The following GUCY1A2 variants were observed in gnomAD, a reference collection of about 807,000 sequenced individuals.
The protein encoded by GUCY1A2 is guanylate cyclase soluble subunit alpha-2.
GUCY1A2 carries 27 observed loss-of-function variants against 63.5 expected under a neutral mutation model. The ratio of observed to expected loss-of-function variants is 0.43; its 90% CI spans 0.31 to 0.59. The LOEUF (loss-of-function observed/expected upper bound fraction) is 0.59, where lower values mean the gene tolerates loss of function less well. Ranked by LOEUF, GUCY1A2 falls within the 20% of genes least tolerant of loss-of-function variation. GUCY1A2 has a pLI of 0.11. For missense variants in GUCY1A2, 768 were observed against 913.3 expected, an observed-to-expected ratio of 0.84 and a Z score of 2.05; for synonymous variants, 364 against 343.5, an observed-to-expected ratio of 1.06 and a Z score of -0.66.
rs1303688409 is a variant in GUCY1A2, at chr11:106,675,085, T to C, written c.*12464A>G. 2 of 213,486 alleles carry C rather than the reference T, an allele frequency of 9.4e-6. No homozygotes were observed. The highest frequency in any genetic ancestry group is 5.9e-5 in the Admixed American group (1 of 17,090). 13.2% of individuals were successfully genotyped at this position (213,486 alleles called of 1,614,324 possible). ...GGTTTTGTAAAATGGCTACTCATGATTGAAGAGTCAGAATTCAGGTAGGTT... is the reference window on the plus strand; with the variant it reads ...GGTTTTGTAAAATGGCTACTCATGACTGAAGAGTCAGAATTCAGGTAGGTT... On this transcript the variant is annotated 3_prime_UTR_variant, in exon 8 of 8. Coordinates refer to ENST00000526355, the MANE Select transcript of GUCY1A2 (RefSeq NM_000855.3).
At chr11:106,983,025 T>A (rs1397199870) in intron 2 of GUCY1A2, among the ~76,000 whole-genome samples, 1 of 152,172 alleles carries the variant, frequency 6.6e-6, no homozygotes, top group Non-Finnish European at 1.5e-5. Context: ...CAGGGCCCAG[T>A]AATACGTGTT....
chr11:106,846,984 A>C (rs183273633), intron 4 of GUCY1A2, among the ~76,000 whole-genome samples: 1 of 151,574 alleles, frequency 6.6e-6, no homozygotes, highest in Admixed American at 6.6e-5. Context: ...GTCCCTAACA[A>C]GAGGATTAGA....
intron 6 of GUCY1A2, among the ~76,000 whole-genome samples, chr11:106,758,054 G>C (rs1864004248): frequency 1.3e-5 from 2 of 152,192 alleles, no homozygotes; most frequent in African/African-American, 4.8e-5. Context: ...CCTGCCCACA[G>C]AGGTGGAATC....
At chr11:106,750,888 T>C (rs1170460359) in intron 6 of GUCY1A2, among the ~76,000 whole-genome samples, 1 of 152,040 alleles carries the variant, frequency 6.6e-6, no homozygotes, top group Non-Finnish European at 1.5e-5. Context: ...TGATGGATCC[T>C]ACTTGTCAAT....
At chr11:106,748,169 A>C (rs1863822568) in intron 6 of GUCY1A2, among the ~76,000 whole-genome samples, 1 of 152,222 alleles carries the variant, frequency 6.6e-6, no homozygotes, top group Non-Finnish European at 1.5e-5. Context: ...TCAGAGCATA[A>C]AAATTACAGG....
chr11:106,785,416 G>T (rs1010314198), intron 5 of GUCY1A2, among the ~76,000 whole-genome samples: 4 of 151,644 alleles, frequency 2.6e-5, no homozygotes, highest in Admixed American at 1.3e-4. Context: ...TGGCAAGGGG[G>T]TATCTGTAAC....
intron 6 of GUCY1A2, among the ~76,000 whole-genome samples, chr11:106,718,316 G>A (rs1370248355): frequency 2.0e-5 from 3 of 151,988 alleles, no homozygotes; most frequent in Non-Finnish European, 4.4e-5. Context: ...TTTTACAGTT[G>A]GGGAAGAAAG....
rs1023594056 is a variant in GUCY1A2 at position 106,722,974 on chromosome 11, A to G, written c.1837-14308T>C. 6.6e-5 allele frequency among the ~76,000 whole-genome samples: 10 copies of G among 152,346 alleles called. No homozygotes were observed. The South Asian group carries it at 1.9e-3, about 28-fold the overall frequency. ...AAAGCAATATCTTCAATAGCAAATG[A>G]ATTTATCACTATTATTTATATGTTT... is the stretch of plus-strand genomic sequence containing the variant. On this transcript the variant is annotated intron_variant, in intron 6 of 7. Coordinates refer to ENST00000526355, the MANE Select transcript of GUCY1A2 (RefSeq NM_000855.3).
chr11:106,837,582 A>T (rs562765485), intron 4 of GUCY1A2, among the ~76,000 whole-genome samples: 3 of 152,114 alleles, frequency 2.0e-5, no homozygotes, highest in African/African-American at 4.8e-5. Context: ...TGCTTTCCAC[A>T]TAACTAACTT....
At chr11:106,987,468 T>C (rs768479802) in intron 1 of GUCY1A2, among the ~76,000 whole-genome samples, 1 of 152,092 alleles carries the variant, frequency 6.6e-6, no homozygotes, top group Non-Finnish European at 1.5e-5. Flanking sequence ...CTTGCCAAAT[T>C]GGTGAAACCC....
chr11:106,809,992 C>T lies in GUCY1A2; in HGVS notation c.1692+1G>A, dbSNP rs1423703878. ...ATATGTAAGTAACTAAACTCCCTTA[C>T]CTTATAAATATCCAAAAATCCACAC... On this transcript the variant is annotated splice_donor_variant, in intron 5 of 7. Transcript: ENST00000526355. LOFTEE classifies it high-confidence loss of function. 3 of 1,588,178 alleles carry T rather than the reference C, an allele frequency of 1.9e-6. No homozygotes were observed. Among genetic ancestry groups the T allele is most frequent in the African/African-American group, 1.3e-5 (1 of 74,438 alleles).
chr11:106,947,220 A>C (rs1057435456), intron 3 of GUCY1A2, among the ~76,000 whole-genome samples: 6 of 103,780 alleles, frequency 5.8e-5, no homozygotes, highest in Non-Finnish European at 9.2e-5. Context: ...CCATCTCACA[A>C]AAAAAAAAAA....
chr11:106,978,108 A>G (rs1185653003), intron 3 of GUCY1A2, among the ~76,000 whole-genome samples: 1 of 152,068 alleles, frequency 6.6e-6, no homozygotes, highest in Non-Finnish European at 1.5e-5. Context: ...ATAAGTACAA[A>G]TATCTTTAAG....
chr11:106,725,824 C>T (rs1205429829), intron 6 of GUCY1A2, among the ~76,000 whole-genome samples: 1 of 151,624 alleles, frequency 6.6e-6, no homozygotes, highest in African/African-American at 2.4e-5. Context: ...TCTCCAGTGA[C>T]TACTAAAATG....
rs567977597 is a variant in GUCY1A2 at position 106,699,244 on chromosome 11, C to A, written c.1991+9268G>T. Among the ~76,000 whole-genome samples the A allele has an allele frequency of 2.6e-5, 4 of 152,232 alleles. No homozygotes were observed. In the East Asian group the frequency reaches 5.8e-4, roughly 22 times the overall value. ...TACAAAATAAATATTGACCTCCAGG[C>A]CACTAGAAATGGTGCCATTTTTAAT... On this transcript the variant is annotated intron_variant, in intron 7 of 7. Coordinates refer to ENST00000526355, the MANE Select transcript of GUCY1A2 (RefSeq NM_000855.3).
intron 4 of GUCY1A2, among the ~76,000 whole-genome samples, chr11:106,874,152 CTAAT>C (rs1330026785): frequency 2.6e-5 from 4 of 152,082 alleles, no homozygotes; most frequent in Non-Finnish European, 5.9e-5. Flanking sequence ...ACAATGTCTT[CTAAT>C]TAATATGTAA....
chr11:106,843,928 G>A (rs1430703798), intron 4 of GUCY1A2, among the ~76,000 whole-genome samples: 1 of 151,754 alleles, frequency 6.6e-6, no homozygotes, highest in Non-Finnish European at 1.5e-5. Flanking sequence ...CCATCATAGA[G>A]CACTTAGAAA....
At chr11:106,876,135 G>C (rs1171453597) in intron 4 of GUCY1A2, among the ~76,000 whole-genome samples, 1 of 151,930 alleles carries the variant, frequency 6.6e-6, no homozygotes, top group Non-Finnish European at 1.5e-5. Flanking sequence ...AATAATTAAA[G>C]AAGAAAATGT....
intron 4 of GUCY1A2, among the ~76,000 whole-genome samples, chr11:106,920,116 G>A (rs1860422758): frequency 1.3e-5 from 2 of 151,726 alleles, no homozygotes; most frequent in Admixed American, 1.3e-4. Context: ...GTAAACAAAT[G>A]TATTTACAGA....
Sources: allele counts gnomAD v4.1 joint callset (sites outside exome capture counted in the v4.1 genomes callset), GRCh38; gene constraint gnomAD v4.1.1; transcripts MANE v1.5; gene names NCBI Gene and HGNC (gene_info 2026-07-23, HGNC 2026-07-21).